RNF34: variants seen among roughly 807,000 people sequenced by gnomAD.
The protein encoded by RNF34 is E3 ubiquitin-protein ligase RNF34.
RNF34 carries 12 observed loss-of-function variants against 37.9 expected under a neutral mutation model. The ratio of observed to expected loss-of-function variants is 0.32; its 90% CI spans 0.20 to 0.51. RNF34 has a LOEUF of 0.51. Among genes scored for constraint, RNF34 ranks in the 20% least tolerant of loss-of-function variants. RNF34 has a pLI of 0.97. For missense variants in RNF34, 362 were observed against 472.7 expected (o/e 0.77, Z 2.17); for synonymous variants, 155 against 177.2 (o/e 0.87, Z 1.00).
intron 1 of RNF34, among the ~76,000 whole-genome samples, chr12:121,403,414 CA>C (rs60900182): frequency 0.2 from 27,834 of 136,230 alleles, 3,997 homozygotes; most frequent in African/African-American, 0.42. Flanking sequence ...AAAACCAAAA[CA>C]AAAAAAAAAA....
rs1871553956 is a variant in RNF34, at chr12:121,416,160, C to T, written c.8C>T (p.Ala3Val). The T allele has an allele frequency of 2.0e-5, 33 of 1,613,104 alleles. No homozygotes were observed. Among genetic ancestry groups the T allele is most frequent in the Non-Finnish European group, 2.6e-5 (31 of 1,179,318 alleles). ...TGTGGGATTTGTGTTCCTTTTTAGG[C>T]GGGTGCCACGTCTATGTGGGCTTCG... MKAGATSMWASCC... is the reference protein window; with the variant it reads MKVGATSMWASCC... Residue 3 changes from alanine to valine, a missense_variant and splice_region_variant, in exon 2 of 6, where the codon GCG (alanine) becomes GTG (valine). Physicochemically the swap from Ala to Val is moderately conservative, Grantham distance 64 (BLOSUM62 0). Transcript: ENST00000361234.
intron 1 of RNF34, among the ~76,000 whole-genome samples, chr12:121,406,148 C>T (rs1219861182): frequency 6.6e-6 from 1 of 152,026 alleles, no homozygotes; most frequent in African/African-American, 2.4e-5. Context: ...TTACTGGCTC[C>T]CTAAAATCTT....
At chr12:121,407,661 T>C (rs1171083777) in intron 1 of RNF34, among the ~76,000 whole-genome samples, 1 of 152,084 alleles carries the variant, frequency 6.6e-6, no homozygotes, top group African/African-American at 2.4e-5. Flanking sequence ...AAGCAATGAA[T>C]GAATAAAAGA....
rs574861290 is a variant in RNF34, at chr12:121,414,691, G to C, written c.7-1468G>C. On this transcript the variant is annotated intron_variant, in intron 1 of 5. Coordinates refer to ENST00000361234, the MANE Select transcript of RNF34 (RefSeq NM_025126.4). ...TTCCTGTTGTTGTTGTTGTTTTTTC[G>C]AGATGGACTCTCGCTCTGTCGCCCA... Among the ~76,000 whole-genome samples the C allele has an allele frequency of 2.0e-5, 3 of 152,090 alleles. No homozygotes were observed. The South Asian group carries it at 6.2e-4, about 32-fold the overall frequency.
intron 5 of RNF34, among the ~76,000 whole-genome samples, chr12:121,421,328 G>A (rs1264546533): frequency 2.2e-5 from 3 of 135,280 alleles, no homozygotes; most frequent in African/African-American, 5.6e-5. Flanking sequence ...CTTGAGCCCA[G>A]GAGTTTGAGA....
chr12:121,406,582 G>A lies in RNF34; in HGVS notation c.6+6364G>A, dbSNP rs566140739. The stretch of plus-strand genomic sequence containing the variant: ...GATTACAGGCGTGAGCCACCGCGCC[G>A]GGCTGGTGTTAAGTTTTTAAATACG... On this transcript the variant is annotated intron_variant, in intron 1 of 5. Coordinates refer to ENST00000361234, the MANE Select transcript of RNF34 (RefSeq NM_025126.4). 9.8e-4 allele frequency among the ~76,000 whole-genome samples: 149 copies of A among 152,272 alleles called. 3 individuals are homozygous for A. Among genetic ancestry groups the A allele is most frequent in the Non-Finnish European group, 2.4e-4 (16 of 68,020 alleles).
At chr12:121,401,423 A>T (rs559481976) in intron 1 of RNF34, among the ~76,000 whole-genome samples, 23 of 150,618 alleles carry the variant, frequency 1.5e-4, no homozygotes, top group African/African-American at 4.6e-4. Context: ...GGCTACAGAA[A>T]GCAAGGAATA....
chr12:121,410,688 G>C (rs571822272), intron 1 of RNF34, among the ~76,000 whole-genome samples: 1 of 152,150 alleles, frequency 6.6e-6, no homozygotes, highest in Non-Finnish European at 1.5e-5. Flanking sequence ...ACTATAAGTG[G>C]ATTTGCCCTT....
Position 121,423,379 on chromosome 12 carries a change from C to G in RNF34, c.929-7C>G. The G allele has an allele frequency of 6.3e-7, 1 of 1,597,654 alleles. No individual in the cohort carries two copies. Among genetic ancestry groups the G allele is most frequent in the Non-Finnish European group, 8.5e-7 (1 of 1,170,240 alleles). On this transcript the variant is annotated splice_region_variant and splice_polypyrimidine_tract_variant and intron_variant, in intron 5 of 5. Transcript: ENST00000361234. This position sits in a 1 kb window ranked among gnomAD's most constrained non-coding sequence, Gnocchi z 4.3. ...AGCCGAGGCCTTAGCTCTCTGTTGCCTTTCAGATGGCGAGCGGCTGCAGCT... is the reference window on the plus strand; with the variant it reads ...AGCCGAGGCCTTAGCTCTCTGTTGCGTTTCAGATGGCGAGCGGCTGCAGCT...
At chr12:121,421,371 TAAAA>T (rs11398833) in intron 5 of RNF34, among the ~76,000 whole-genome samples, 5 of 46,370 alleles carry the variant, frequency 1.1e-4, no homozygotes, top group East Asian at 6.1e-4. Flanking sequence ...ATCCCATCTC[TAAAA>T]AAAAAAAAAA....
chr12:121,407,400 G>A (rs1870646667), intron 1 of RNF34, among the ~76,000 whole-genome samples: 1 of 152,240 alleles, frequency 6.6e-6, no homozygotes, highest in Non-Finnish European at 1.5e-5. Flanking sequence ...GAAGCCAAAA[G>A]GGTATGCCTA....
intron 1 of RNF34, chr12:121,402,792 C>T: frequency 6.2e-7 from 1 of 1,606,122 alleles, no homozygotes; most frequent in Non-Finnish European, 8.5e-7. Context: ...AAAACAAAAA[C>T]CCAAGCATGA....
intron 1 of RNF34, among the ~76,000 whole-genome samples, chr12:121,406,591 T>A (rs558641438): frequency 6.6e-6 from 1 of 152,140 alleles, no homozygotes; most frequent in South Asian, 2.1e-4. Context: ...CGGGCTGGTG[T>A]TAAGTTTTTA....
Position 121,423,584 on chromosome 12 carries a change from T to A in RNF34, c.*8T>A, listed in dbSNP as rs1593682915. On this transcript the variant is annotated 3_prime_UTR_variant, in exon 6 of 6. Coordinates refer to ENST00000361234, the MANE Select transcript of RNF34 (RefSeq NM_025126.4). This position sits in a 1 kb window ranked among gnomAD's most constrained non-coding sequence, Gnocchi z 4.3. Reference sequence around the variant, plus strand: ...CACGTGTTCAAGTCCTGAAACAGGCTCCCCTCACCAGGACAGTCACCCCCA... The same window carrying A: ...CACGTGTTCAAGTCCTGAAACAGGCACCCCTCACCAGGACAGTCACCCCCA... 3 of 1,610,390 alleles carry A rather than the reference T, an allele frequency of 1.9e-6. No homozygotes were observed. Among genetic ancestry groups the A allele is most frequent in the Non-Finnish European group, 8.5e-7 (1 of 1,177,530 alleles).
At chr12:121,410,970 C>A (rs967344179) in intron 1 of RNF34, among the ~76,000 whole-genome samples, 4 of 152,094 alleles carry the variant, frequency 2.6e-5, no homozygotes, top group Non-Finnish European at 5.9e-5. Context: ...GGTCTCACTC[C>A]GTCACCCAGG....
intron 1 of RNF34, among the ~76,000 whole-genome samples, chr12:121,404,015 GTTTC>G (rs1192879907): frequency 2.0e-5 from 3 of 149,922 alleles, no homozygotes; most frequent in African/African-American, 7.3e-5. Flanking sequence ...TTAGTTTTCT[GTTTC>G]TTTTTTTTTT....
chr12:121,412,740 T>C (rs532561720), intron 1 of RNF34, among the ~76,000 whole-genome samples: 18 of 150,664 alleles, frequency 1.2e-4, no homozygotes, highest in Middle Eastern at 3.4e-3. Flanking sequence ...TTTTTTTTTT[T>C]TTGAGATGGA....
At chr12:121,403,268 C>T (rs1396310426) in intron 1 of RNF34, among the ~76,000 whole-genome samples, 4 of 151,814 alleles carry the variant, frequency 2.6e-5, no homozygotes, top group South Asian at 2.1e-4. Flanking sequence ...TGGTGGCGGG[C>T]GCCTGTAGTC....
chr12:121,414,234 C>T (rs1471473191), intron 1 of RNF34, among the ~76,000 whole-genome samples: 14 of 152,204 alleles, frequency 9.2e-5, no homozygotes, highest in African/African-American at 3.1e-4. Context: ...GCCATTTTAA[C>T]TAATACCTCA....
Sources: gnomAD v4.1 joint callset for allele counts (sites outside exome capture counted in the v4.1 genomes callset) on GRCh38, gnomAD v4.1.1 for gene constraint, Gnocchi (gnomAD v3.1) non-coding constraint, MANE v1.5 for transcripts, NCBI Gene and HGNC (gene_info 2026-07-23, HGNC 2026-07-21) for gene names.